Variants in MAML2 observed in about 807,000 individuals in gnomAD.
The protein encoded by MAML2 is mastermind-like protein 2.
MAML2 carries 22 observed loss-of-function variants against 96.1 expected under a neutral mutation model. That is an observed-to-expected ratio of 0.23 (90% CI 0.16 to 0.33). The LOEUF (loss-of-function observed/expected upper bound fraction) is 0.33, where lower values mean the gene tolerates loss of function less well. Ranked by LOEUF, MAML2 falls within the 10% of genes least tolerant of loss-of-function variation. The pLI is 1.00. For synonymous variants in MAML2, 561 were observed against 521.3 expected (o/e 1.08, Z -1.04); for missense variants, 1,367 against 1,392.4 (o/e 0.98, Z 0.29).
intron 1 of MAML2, among the ~76,000 whole-genome samples, chr11:96,145,104 C>A (rs1860795305): frequency 6.6e-6 from 1 of 152,164 alleles, no homozygotes; most frequent in South Asian, 2.1e-4. Context: ...AAAAACAAGT[C>A]TGTGGGTTGG....
chr11:96,081,747 T>C (rs529215137), intron 2 of MAML2, among the ~76,000 whole-genome samples: 4 of 152,244 alleles, frequency 2.6e-5, no homozygotes, highest in Admixed American at 1.3e-4. Flanking sequence ...GGTTATTTCA[T>C]GCACCATGGA....
intron 1 of MAML2, among the ~76,000 whole-genome samples, chr11:96,328,998 G>A (rs1417909062): frequency 6.6e-6 from 1 of 152,130 alleles, no homozygotes; most frequent in African/African-American, 2.4e-5. Context: ...ATGAGAAATA[G>A]ATAGACAAAC....
intron 1 of MAML2, among the ~76,000 whole-genome samples, chr11:96,272,067 A>C (rs1862923124): frequency 6.6e-6 from 1 of 152,070 alleles, no homozygotes; most frequent in South Asian, 2.1e-4. Flanking sequence ...TCCTTGCTCA[A>C]ATGCCACCTT....
chr11:96,239,722 GCA>G (rs140428442), intron 1 of MAML2, among the ~76,000 whole-genome samples: 3,813 of 152,240 alleles, frequency 0.025, 165 homozygotes, highest in African/African-American at 0.087. Context: ...TAGAATAATA[GCA>G]CCCATGTCAT....
chr11:96,092,282 G>A lies in MAML2; in HGVS notation c.1749C>T (p.Leu583=). ...GCTGTTGCTGTTGGGTGTAGTGTAG[G>A]AGAGAAGGCTTGTTCTGGGAAGGCA... ...SVLPSQNKPS[L]LHYTQQQQQQ... The change falls in exon 2 of 5, where the codon CTC becomes CTT. Residue 583 remains leucine (L), a synonymous_variant. Coordinates refer to ENST00000524717, the MANE Select transcript of MAML2 (RefSeq NM_032427.4). This position sits in a 1 kb window ranked among gnomAD's most constrained non-coding sequence, Gnocchi z 4.1. 1.3e-6 allele frequency: 2 copies of A among 1,561,280 alleles called. No individual in the cohort carries two copies. The highest frequency in any genetic ancestry group is 2.4e-5 in the South Asian group (2 of 84,924).
intron 1 of MAML2, among the ~76,000 whole-genome samples, chr11:96,298,895 A>T (rs1329412665): frequency 1.4e-5 from 2 of 146,730 alleles, no homozygotes; most frequent in African/African-American, 4.9e-5. Flanking sequence ...ACAAAAAAAA[A>T]TTAGCTGAGC....
chr11:96,038,094 T>C (rs1858747227), intron 2 of MAML2, among the ~76,000 whole-genome samples: 1 of 152,200 alleles, frequency 6.6e-6, no homozygotes, highest in Non-Finnish European at 1.5e-5. Flanking sequence ...ATTTAATAAA[T>C]ATATACTTAA....
intron 2 of MAML2, among the ~76,000 whole-genome samples, chr11:96,077,148 T>G (rs983930417): frequency 2.6e-5 from 4 of 151,770 alleles, no homozygotes; most frequent in Non-Finnish European, 4.4e-5. Context: ...AAATGCATTT[T>G]TTGGCTCAAA....
At chr11:96,195,669 C>A (rs1326846049) in intron 1 of MAML2, among the ~76,000 whole-genome samples, 4 of 152,158 alleles carry the variant, frequency 2.6e-5, no homozygotes, top group Non-Finnish European at 5.9e-5. Flanking sequence ...CACCAGGTAA[C>A]CAACTAGGAC....
At chr11:96,081,024 C>T (rs1704894639) in intron 2 of MAML2, among the ~76,000 whole-genome samples, 1 of 152,132 alleles carries the variant, frequency 6.6e-6, no homozygotes, top group Non-Finnish European at 1.5e-5. Context: ...TGTATGCCCT[C>T]TTCATGGGTT....
chr11:96,207,339 T>G (rs969267411), intron 1 of MAML2, among the ~76,000 whole-genome samples: 29 of 152,374 alleles, frequency 1.9e-4, no homozygotes, highest in African/African-American at 5.8e-4. Context: ...CAAGGTAAGG[T>G]ACCATCTTAG....
chr11:96,139,244 G>A (rs995209356), intron 1 of MAML2, among the ~76,000 whole-genome samples: 3 of 152,044 alleles, frequency 2.0e-5, no homozygotes, highest in African/African-American at 7.2e-5. Context: ...GTGGGAGGCC[G>A]AGGCGGGCAG....
At chr11:96,301,349 C>T (rs1260119805) in intron 1 of MAML2, among the ~76,000 whole-genome samples, 3 of 152,134 alleles carry the variant, frequency 2.0e-5, no homozygotes, top group South Asian at 2.1e-4. Context: ...ATTCAATGAG[C>T]GTACAACTGG....
At chr11:96,001,680 A>G (rs1858080892) in intron 2 of MAML2, among the ~76,000 whole-genome samples, 1 of 152,206 alleles carries the variant, frequency 6.6e-6, no homozygotes, top group African/African-American at 2.4e-5. Context: ...TGAAAGTAAT[A>G]AAATGATTTT....
Position 96,342,042 on chromosome 11 carries a change from G to T in MAML2, c.-147C>A. 1.3e-6 allele frequency: 1 copy of T among 747,284 alleles called. No homozygotes were observed. The highest frequency in any genetic ancestry group is 2.1e-6 in the Non-Finnish European group (1 of 481,102). The allele number at this position is 747,284 out of a possible 1,614,324, so 46.3% of individuals were successfully genotyped here. ...GGTCTTCAGAGGTTGTGGGGGAGCCGTGGAGAAGTTGTGGGGGAGGGGAGT... is the reference window on the plus strand; with the variant it reads ...GGTCTTCAGAGGTTGTGGGGGAGCCTTGGAGAAGTTGTGGGGGAGGGGAGT... On this transcript the variant is annotated 5_prime_UTR_variant, in exon 1 of 5. Transcript: ENST00000524717.
At chr11:96,102,209 G>C (rs542283988) in intron 1 of MAML2, among the ~76,000 whole-genome samples, 1 of 152,196 alleles carries the variant, frequency 6.6e-6, no homozygotes, top group African/African-American at 2.4e-5. Flanking sequence ...CTGGGAGGCG[G>C]AGCTTGCAGT....
intron 1 of MAML2, among the ~76,000 whole-genome samples, chr11:96,213,164 T>C (rs1384071681): frequency 2.6e-5 from 4 of 152,170 alleles, no homozygotes; most frequent in African/African-American, 7.2e-5. Flanking sequence ...AGTTTTGAAT[T>C]TGGGGCTTTC....
intron 1 of MAML2, among the ~76,000 whole-genome samples, chr11:96,231,196 T>C (rs902484321): frequency 6.6e-6 from 1 of 152,208 alleles, no homozygotes; most frequent in Non-Finnish European, 1.5e-5. Context: ...GGTAAAATTA[T>C]TTCCTCTTTC....
At chr11:96,197,710 T>C (rs1390682525) in intron 1 of MAML2, among the ~76,000 whole-genome samples, 1 of 152,166 alleles carries the variant, frequency 6.6e-6, no homozygotes, top group Non-Finnish European at 1.5e-5. Flanking sequence ...ACTGGGAGCT[T>C]ACAGTCTAGC....
Sources: gnomAD v4.1 joint callset for allele counts (sites outside exome capture counted in the v4.1 genomes callset) on GRCh38, gnomAD v4.1.1 for gene constraint, Gnocchi (gnomAD v3.1) non-coding constraint, MANE v1.5 for transcripts, NCBI Gene and HGNC (gene_info 2026-07-23, HGNC 2026-07-21) for gene names.